The following SLC25A21 variants were observed in gnomAD, a reference collection of about 807,000 sequenced individuals.
SLC25A21 encodes solute carrier family 25 member 21, also known as mitochondrial 2-oxodicarboxylate carrier.
SLC25A21 carries 47 observed loss-of-function variants against 43.8 expected under a neutral mutation model. The ratio of observed to expected loss-of-function variants is 1.07; its 90% CI spans 0.85 to 1.37. The LOEUF is 1.37. Among genes scored for constraint, SLC25A21 ranks in the 40% most tolerant of loss-of-function variants. The probability of loss-of-function intolerance (pLI) is 0.00; values close to 1 mark genes in which losing one functional copy is unlikely to be tolerated. For missense variants in SLC25A21, 352 were observed against 350.2 expected, an observed-to-expected ratio of 1.00 and a Z score of -0.04; for synonymous variants, 131 against 121.3, an observed-to-expected ratio of 1.08 and a Z score of -0.52.
At chr14:36,911,672 C>A (rs913717735) in intron 1 of SLC25A21, among the ~76,000 whole-genome samples, 31 of 152,152 alleles carry the variant, frequency 2.0e-4, no homozygotes, top group African/African-American at 7.5e-4. Flanking sequence ...GCACCAACTG[C>A]CAGCTCTGCA....
Position 36,949,907 on chromosome 14 carries a change from T to C in SLC25A21, c.71-74903A>G, listed in dbSNP as rs190012864. On this transcript the variant is annotated intron_variant, in intron 1 of 9. Coordinates refer to ENST00000331299, the MANE Select transcript of SLC25A21 (RefSeq NM_030631.4). ...GGTGGGGGAAGGGGCTCTGGACACA[T>C]TCTGCATCCAACATGTACAAGAAAA... Among the ~76,000 whole-genome samples, 5 of 152,322 alleles carry C rather than the reference T, an allele frequency of 3.3e-5. No individual in the cohort carries two copies. In the East Asian group the frequency reaches 9.6e-4, roughly 29 times the overall value.
At chr14:37,119,235 C>T (rs1963161255) in intron 1 of SLC25A21, among the ~76,000 whole-genome samples, 1 of 152,112 alleles carries the variant, frequency 6.6e-6, no homozygotes. Flanking sequence ...ATAAATCCAC[C>T]CCTTGCTTAG....
chr14:37,041,623 C>T (rs1004919470), intron 1 of SLC25A21, among the ~76,000 whole-genome samples: 1 of 152,148 alleles, frequency 6.6e-6, no homozygotes, highest in Non-Finnish European at 1.5e-5. Flanking sequence ...TAATATTTAA[C>T]TAAATATATA....
intron 1 of SLC25A21, among the ~76,000 whole-genome samples, chr14:37,050,885 G>A (rs1238431228): frequency 2.6e-5 from 4 of 152,070 alleles, no homozygotes; most frequent in African/African-American, 9.7e-5. Flanking sequence ...AAAAAAGCAG[G>A]TTTTCTACTT....
intron 3 of SLC25A21, among the ~76,000 whole-genome samples, chr14:36,742,316 G>A (rs925118837): frequency 2.0e-5 from 3 of 152,028 alleles, no homozygotes; most frequent in Non-Finnish European, 2.9e-5. Context: ...TTAAAACAAC[G>A]AAGTCCACGC....
At chr14:37,133,873 C>T (rs1281544312) in intron 1 of SLC25A21, among the ~76,000 whole-genome samples, 1 of 152,164 alleles carries the variant, frequency 6.6e-6, no homozygotes, top group Non-Finnish European at 1.5e-5. Context: ...TTTACTTCCT[C>T]AGTAAAATCA....
At chr14:37,087,642 C>T (rs574643019) in intron 1 of SLC25A21, among the ~76,000 whole-genome samples, 2 of 152,222 alleles carry the variant, frequency 1.3e-5, no homozygotes, top group East Asian at 1.9e-4. Context: ...GATGATGTGA[C>T]GAACGCATCT....
intron 2 of SLC25A21, among the ~76,000 whole-genome samples, chr14:36,857,299 AC>A (rs1889928782): frequency 6.6e-6 from 1 of 151,964 alleles, no homozygotes; most frequent in Non-Finnish European, 1.5e-5. Flanking sequence ...CTGGCGAGCA[AC>A]CCTCCGATGC....
In SLC25A21 at chr14:36,853,630, A is replaced by T. The variant is rs538700564; in HGVS notation, c.119+21326T>A. 3.9e-5 allele frequency among the ~76,000 whole-genome samples: 6 copies of T among 152,224 alleles called. No individual in the cohort carries two copies. In the South Asian group the frequency reaches 8.3e-4, roughly 21 times the overall value. ...CCTCAGCCCATTTGGACATGTAAACATGCGCTTACTCTACTAAATAGTTGG... is the reference window on the plus strand; with the variant it reads ...CCTCAGCCCATTTGGACATGTAAACTTGCGCTTACTCTACTAAATAGTTGG... On this transcript the variant is annotated intron_variant, in intron 2 of 9. Transcript: ENST00000331299.
chr14:36,748,299 C>A (rs191836392), intron 3 of SLC25A21, among the ~76,000 whole-genome samples: 1 of 152,156 alleles, frequency 6.6e-6, no homozygotes, highest in Non-Finnish European at 1.5e-5. Flanking sequence ...GGTTTCTGCA[C>A]GGAGCTAAAA....
chr14:36,820,515 G>C (rs1749939), intron 2 of SLC25A21, among the ~76,000 whole-genome samples: 98,989 of 151,970 alleles, frequency 0.65, 33,339 homozygotes, highest in South Asian at 0.83. Context: ...GAGGAACTGA[G>C]ACACAGACTG....
intron 1 of SLC25A21, among the ~76,000 whole-genome samples, chr14:37,136,852 A>G (rs1319828697): frequency 6.6e-6 from 1 of 152,184 alleles, no homozygotes; most frequent in Non-Finnish European, 1.5e-5. Context: ...TCTGGAAAAG[A>G]AAAAATTGTG....
chr14:37,005,955 A>G (rs1194380173), intron 1 of SLC25A21, among the ~76,000 whole-genome samples: 3 of 152,170 alleles, frequency 2.0e-5, no homozygotes, highest in African/African-American at 4.8e-5. Context: ...TTTTCATGTT[A>G]TCAAACTTTA....
intron 7 of SLC25A21, among the ~76,000 whole-genome samples, chr14:36,702,172 A>G (rs1883303066): frequency 6.6e-6 from 1 of 151,782 alleles, no homozygotes; most frequent in African/African-American, 2.4e-5. Flanking sequence ...CTCCTTCTCT[A>G]CTGGTTCTCC....
intron 1 of SLC25A21, among the ~76,000 whole-genome samples, chr14:37,123,440 T>C (rs533014293): frequency 6.6e-6 from 1 of 152,340 alleles, no homozygotes; most frequent in East Asian, 1.9e-4. Flanking sequence ...AACCAATGTG[T>C]CACCCATGCT....
intron 3 of SLC25A21, among the ~76,000 whole-genome samples, chr14:36,738,744 T>C (rs958946009): frequency 2.0e-5 from 3 of 152,244 alleles, no homozygotes; most frequent in Admixed American, 6.5e-5. Context: ...TTGTTACTTC[T>C]AAAAGGTGTG....
chr14:36,928,018 T>C (rs1405332091), intron 1 of SLC25A21, among the ~76,000 whole-genome samples: 1 of 152,130 alleles, frequency 6.6e-6, no homozygotes, highest in African/African-American at 2.4e-5. Context: ...GAAGTTATAA[T>C]GTTAAATACG....
In SLC25A21 at chr14:36,943,367, T is replaced by C. The variant is rs185227791; in HGVS notation, c.71-68363A>G. Among the ~76,000 whole-genome samples, 574 of 152,208 alleles carry C rather than the reference T, an allele frequency of 3.8e-3. 4 individuals are homozygous for C. Among genetic ancestry groups the C allele is most frequent in the African/African-American group, 0.013 (544 of 41,546 alleles). ...CCACCACACCCGGCTAATTTTTGTA[T>C]TTTTAGTAAAGACACCCTTTCACCA... is the stretch of plus-strand genomic sequence containing the variant. On this transcript the variant is annotated intron_variant, in intron 1 of 9. Coordinates refer to ENST00000331299, the MANE Select transcript of SLC25A21 (RefSeq NM_030631.4).
chr14:37,041,798 T>C (rs767066624), intron 1 of SLC25A21, among the ~76,000 whole-genome samples: 2 of 152,214 alleles, frequency 1.3e-5, no homozygotes, highest in African/African-American at 4.8e-5. Context: ...ACAAGGTGGA[T>C]ACATTTTTGC....
Sources: allele counts gnomAD v4.1 joint callset (sites outside exome capture counted in the v4.1 genomes callset), GRCh38; gene constraint gnomAD v4.1.1; transcripts MANE v1.5; gene names NCBI Gene and HGNC (gene_info 2026-07-23, HGNC 2026-07-21).